Variants in PRKAR1A observed in about 807,000 individuals in gnomAD.
PRKAR1A encodes cAMP-dependent protein kinase type I-alpha regulatory subunit.
A neutral mutation model predicts 52.0 loss-of-function variants in PRKAR1A; 3 were observed. The observed-to-expected ratio is 0.06, with a 90% CI of 0.03 to 0.15. The LOEUF (loss-of-function observed/expected upper bound fraction) is 0.15, where lower values mean the gene tolerates loss of function less well. Among genes scored for constraint, PRKAR1A ranks in the 10% least tolerant of loss-of-function variants. The probability of loss-of-function intolerance (pLI) is 1.00; values close to 1 mark genes in which losing one functional copy is unlikely to be tolerated. For synonymous variants in PRKAR1A, 188 were observed against 168.4 expected, an observed-to-expected ratio of 1.12 and a Z score of -0.90; for missense variants, 240 against 477.4, an observed-to-expected ratio of 0.50 and a Z score of 4.63.
upstream of PRKAR1A, among the ~76,000 whole-genome samples, chr17:68,507,406 C>T (rs144961543): frequency 5.4e-4 from 82 of 152,214 alleles, no homozygotes; most frequent in East Asian, 8.9e-3. Context: ...GAACAGAAAA[C>T]CAAACACCTT....
chr17:68,532,927 C>CA lies in PRKAR1A; in HGVS notation c.*2481dup. 9.4e-7 allele frequency: 1 copy of CA among 1,065,776 alleles called. No individual in the cohort carries two copies. The highest frequency in any genetic ancestry group is 5.0e-5 in the East Asian group (1 of 20,106). The allele number at this position is 1,065,776 out of a possible 1,614,324, so 66.0% of individuals were successfully genotyped here. On this transcript the variant is annotated 3_prime_UTR_variant, in exon 11 of 11. Coordinates refer to ENST00000589228, the MANE Select transcript of PRKAR1A (RefSeq NM_002734.5). ...TTATTTTCAGTGCTTTTCAGTTTGTCAAAGAGTGGATCTCAAAATCTTGCT... is the reference window on the plus strand; with the variant it reads ...TTATTTTCAGTGCTTTTCAGTTTGTCAAAAGAGTGGATCTCAAAATCTTGCT...
At chr17:68,465,983 C>G in the PRKAR1A span, among the ~76,000 whole-genome samples, 3 of 152,096 alleles carry the variant, frequency 2.0e-5, no homozygotes, top group Non-Finnish European at 4.4e-5. Flanking sequence ...GTATAGGACT[C>G]AGTGGCCTAT....
chr17:68,536,799 T>C, downstream of PRKAR1A: 1 of 454,114 alleles, frequency 2.2e-6, no homozygotes, highest in South Asian at 1.6e-5. Flanking sequence ...ATATTTGATG[T>C]TATTTCAATT....
At chr17:68,538,193 T>C (rs1415311664), downstream of PRKAR1A, among the ~76,000 whole-genome samples, 1 of 152,248 alleles carries the variant, frequency 6.6e-6, no homozygotes, top group Non-Finnish European at 1.5e-5. Context: ...TGTCAGATTT[T>C]AAAATCACAG....
At chr17:68,506,940 C>G (rs2085206711), upstream of PRKAR1A, among the ~76,000 whole-genome samples, 1 of 152,104 alleles carries the variant, frequency 6.6e-6, no homozygotes, top group South Asian at 2.1e-4. Flanking sequence ...GGATCTGTGA[C>G]CACCTTGAAA....
the PRKAR1A span, chr17:68,430,293 C>T: frequency 3.5e-6 from 3 of 849,012 alleles, no homozygotes; most frequent in Non-Finnish European, 5.4e-6. Context: ...TAATGTTCTG[C>T]CCACTGAGAA....
At chr17:68,543,773 T>G in intron 11 of PRKAR1A, 1 of 1,491,570 alleles carries the variant, frequency 6.7e-7, no homozygotes, top group Non-Finnish European at 9.3e-7. Flanking sequence ...GCTGGGAGCC[T>G]GAGAAGAGAG....
At chr17:68,443,181 G>A in the PRKAR1A span, among the ~76,000 whole-genome samples, 62 of 152,154 alleles carry the variant, frequency 4.1e-4, 1 homozygote, top group African/African-American at 1.5e-3. Flanking sequence ...TGCGATCTCA[G>A]CTCACTGAAG....
In PRKAR1A at chr17:68,531,201, T is replaced by A. The variant is rs1027086845; in HGVS notation, c.*752T>A. 9.4e-7 allele frequency: 1 copy of A among 1,066,134 alleles called. No individual in the cohort carries two copies. The highest frequency in any genetic ancestry group is 1.6e-5 in the African/African-American group (1 of 61,130). The allele number at this position is 1,066,134 out of a possible 1,614,324, so 66.0% of individuals were successfully genotyped here. On this transcript the variant is annotated 3_prime_UTR_variant, in exon 11 of 11. Transcript: ENST00000589228. ...AAATATTGGTTAGTATTTAACTACA[T>A]CTGCCTCGGCTCACAAATTCCGATT...
intron 2 of PRKAR1A, among the ~76,000 whole-genome samples, chr17:68,516,535 T>G (rs558879560): frequency 2.9e-4 from 44 of 152,246 alleles, no homozygotes; most frequent in African/African-American, 1.0e-3. Flanking sequence ...TATGATTATC[T>G]AATTGTATAA....
chr17:68,473,660 C>G, the PRKAR1A span, among the ~76,000 whole-genome samples: 1 of 152,098 alleles, frequency 6.6e-6, no homozygotes, highest in Non-Finnish European at 1.5e-5. Flanking sequence ...GTAGCTCGGA[C>G]TACAGGCGTG....
chr17:68,535,301 A>T (rs909891419), downstream of PRKAR1A: 22 of 454,030 alleles, frequency 4.8e-5, no homozygotes, highest in African/African-American at 4.4e-4. Context: ...GGTGTACCAC[A>T]TATCATGGTG....
Position 68,533,391 on chromosome 17 carries a change from A to G in PRKAR1A, c.*2942A>G, listed in dbSNP as rs537742534. The G allele has an allele frequency of 1.2e-5, 13 of 1,061,168 alleles. No homozygotes were observed. The East Asian group carries it at 3.6e-4, about 29-fold the overall frequency. The allele number at this position is 1,061,168 out of a possible 1,614,324, so 65.7% of individuals were successfully genotyped here. On this transcript the variant is annotated 3_prime_UTR_variant, in exon 11 of 11. Transcript: ENST00000589228. ...ATCCCTTCCCCCCGTCCTCTGGAGT[A>G]TGAAACCTTTAGAGTCACAATAAAA... is the stretch of plus-strand genomic sequence containing the variant.
chr17:68,532,792 TCTC>T lies in PRKAR1A; in HGVS notation c.*2346_*2348del. ...TAAATGAATCAGTTTTTCTTCCCTTTCTCCTTTCCGTCTTTCCTCTCTCTGTCC... is the reference window on the plus strand; with the variant it reads ...TAAATGAATCAGTTTTTCTTCCCTTTCTTTCCGTCTTTCCTCTCTCTGTCC... On this transcript the variant is annotated 3_prime_UTR_variant, in exon 11 of 11. Coordinates refer to ENST00000589228, the MANE Select transcript of PRKAR1A (RefSeq NM_002734.5). 1 of 1,066,496 alleles carries T rather than the reference TCTC, an allele frequency of 9.4e-7. No individual in the cohort carries two copies. The allele number at this position is 1,066,496 out of a possible 1,614,324, so 66.1% of individuals were successfully genotyped here. A position where few individuals can be genotyped will look rare whatever the true frequency, so the allele number is the denominator to read the frequency against.
the PRKAR1A span, among the ~76,000 whole-genome samples, chr17:68,486,525 CTT>C: frequency 2.1e-4 from 24 of 111,714 alleles, no homozygotes; most frequent in Admixed American, 1.3e-3. Context: ...TTCTTTCTTT[CTT>C]TCTTTCTTTC....
chr17:68,458,124 G>GC, the PRKAR1A span, among the ~76,000 whole-genome samples: 1 of 152,336 alleles, frequency 6.6e-6, no homozygotes, highest in Admixed American at 6.5e-5. Flanking sequence ...CTGAAATGGG[G>GC]CTGCCTCAGC....
chr17:68,507,335 C>T (rs765595633), upstream of PRKAR1A, among the ~76,000 whole-genome samples: 9 of 152,190 alleles, frequency 5.9e-5, no homozygotes, highest in South Asian at 2.1e-4. Context: ...GGAATGAGAT[C>T]GTGTCCTTTG....
the PRKAR1A span, among the ~76,000 whole-genome samples, chr17:68,426,557 G>C: frequency 6.6e-6 from 1 of 152,206 alleles, no homozygotes; most frequent in East Asian, 1.9e-4. Context: ...TTTTGAAACA[G>C]AGTCTCACTC....
chr17:68,434,651 T>G, the PRKAR1A span: 1 of 1,612,668 alleles, frequency 6.2e-7, no homozygotes, highest in Non-Finnish European at 8.5e-7. Flanking sequence ...AGGTGGACAT[T>G]TCATAACCAT....
Sources: gnomAD v4.1 joint callset for allele counts (sites outside exome capture counted in the v4.1 genomes callset) on GRCh38, gnomAD v4.1.1 for gene constraint, MANE v1.5 for transcripts, NCBI Gene and HGNC (gene_info 2026-07-23, HGNC 2026-07-21) for gene names.